The following SVEP1 variants were observed in gnomAD, a reference collection of about 807,000 sequenced individuals.
The protein encoded by SVEP1 is sushi, von Willebrand factor type A, EGF and pentraxin domain-containing protein 1.
A neutral mutation model predicts 367.3 loss-of-function variants in SVEP1; 164 were observed. That is an observed-to-expected ratio of 0.45 (90% CI 0.39 to 0.51). The LOEUF (loss-of-function observed/expected upper bound fraction) is 0.51. SVEP1 is among the 20% of genes least tolerant of loss of function. SVEP1 has a pLI of 0.00. For synonymous variants in SVEP1, 1,666 were observed against 1,611.6 expected, an observed-to-expected ratio of 1.03 and a Z score of -0.81; for missense variants, 4,117 against 4,425.3, an observed-to-expected ratio of 0.93 and a Z score of 1.98.
chr9:110,401,010 C>G lies in SVEP1; in HGVS notation c.9667-1G>C. 1 of 1,612,860 alleles carries G rather than the reference C, an allele frequency of 6.2e-7. No individual in the cohort carries two copies. Among genetic ancestry groups the G allele is most frequent in the Non-Finnish European group, 8.5e-7 (1 of 1,179,628 alleles). On this transcript the variant is annotated splice_acceptor_variant, in intron 39 of 47. Transcript: ENST00000374469. LOFTEE classifies it high-confidence loss of function. Reference sequence around the variant, plus strand: ...ATGGTGGCTCCCAGGTTCCATCAAGCTAAGTGACAAATAACAAAATGTAAG... The same window carrying G: ...ATGGTGGCTCCCAGGTTCCATCAAGGTAAGTGACAAATAACAAAATGTAAG...
Position 110,528,156 on chromosome 9 carries a change from G to GTGTATA in SVEP1, c.965-14051_965-14050insTATACA. ...CGTGTGTGTGTGTGTGTGTGTGTGT[G>GTGTATA]TATATATATATATATATATATATAT... On this transcript the variant is annotated intron_variant, in intron 3 of 47. Coordinates refer to ENST00000374469, the MANE Select transcript of SVEP1 (RefSeq NM_153366.4). 6.2e-3 allele frequency among the ~76,000 whole-genome samples: 209 copies of GTGTATA among 33,926 alleles called. 4 individuals carry two copies. The highest frequency in any genetic ancestry group is 0.018 in the East Asian group (34 of 1,910). 22.3% of individuals were successfully genotyped at this position (33,926 alleles called of 152,430 possible).
chr9:110,393,313 G>T (rs1445863788), intron 40 of SVEP1, among the ~76,000 whole-genome samples: 3 of 152,184 alleles, frequency 2.0e-5, no homozygotes, highest in Non-Finnish European at 4.4e-5. Context: ...GTCCCAGACT[G>T]CATATACCTA....
chr9:110,428,425 C>CAA (rs72069899), intron 35 of SVEP1, among the ~76,000 whole-genome samples: 51,110 of 151,168 alleles, frequency 0.34, 8,873 homozygotes, highest in African/African-American at 0.41. Flanking sequence ...CACACACACA[C>CAA]ACACCATTAA....
intron 31 of SVEP1, among the ~76,000 whole-genome samples, 188 bp downstream of exon 31, chr9:110,432,274 C>A (rs992782627): frequency 6.6e-6 from 1 of 152,036 alleles, no homozygotes; most frequent in Admixed American, 6.6e-5. Flanking sequence ...TAATATGGAG[C>A]CTGATAAAAA....
chr9:110,565,687 G>A (rs1242893942), intron 1 of SVEP1, among the ~76,000 whole-genome samples: 22 of 152,086 alleles, frequency 1.4e-4, no homozygotes, highest in Admixed American at 1.4e-3. Flanking sequence ...CCATTCAAAT[G>A]ACAATCTCCA....
chr9:110,568,812 AAGAC>A (rs1830520087), intron 1 of SVEP1, among the ~76,000 whole-genome samples: 1 of 145,792 alleles, frequency 6.9e-6, no homozygotes, highest in Admixed American at 6.9e-5. Context: ...TGAAATTAGA[AAGAC>A]AGGCCAGGAG....
chr9:110,528,156 G>GTGTGTGTGTGTGTATATA, intron 3 of SVEP1, among the ~76,000 whole-genome samples: 6 of 33,940 alleles, frequency 1.8e-4, no homozygotes, highest in Non-Finnish European at 3.4e-4. Context: ...GTGTGTGTGT[G>GTGTGTGTGTGTGTATATA]TATATATATA....
intron 3 of SVEP1, among the ~76,000 whole-genome samples, chr9:110,529,757 G>T (rs1293091985): frequency 1.3e-5 from 2 of 152,058 alleles, no homozygotes; most frequent in Non-Finnish European, 1.5e-5. Context: ...TCAAATCTAG[G>T]ATTCTTTTGG....
intron 9 of SVEP1, among the ~76,000 whole-genome samples, chr9:110,485,144 T>C (rs539437401): frequency 7.2e-5 from 11 of 152,330 alleles, no homozygotes; most frequent in South Asian, 2.1e-4. Flanking sequence ...TGTATGTTCA[T>C]TGCAGCATTA....
At chr9:110,392,343 C>T (rs1827673576) in intron 40 of SVEP1, among the ~76,000 whole-genome samples, 1 of 152,008 alleles carries the variant, frequency 6.6e-6, no homozygotes, top group Non-Finnish European at 1.5e-5. Context: ...AATTTTGCCA[C>T]TTGCTTCACT....
At position 110,417,205 on chromosome 9, in the gene SVEP1, C is replaced by T. The variant is rs553464285; in HGVS notation, c.5976-5470G>A. Among the ~76,000 whole-genome samples, 21 of 149,040 alleles carry T rather than the reference C, an allele frequency of 1.4e-4. No individual in the cohort carries two copies. In the South Asian group the frequency reaches 4.0e-3, roughly 28 times the overall value. On this transcript the variant is annotated intron_variant, in intron 36 of 47. Coordinates refer to ENST00000374469, the MANE Select transcript of SVEP1 (RefSeq NM_153366.4). ...ATTTCTGCATTTCCATCTGAGGTAC[C>T]GGGTTCATCTCACTAGGGAGTGCCA...
At chr9:110,571,949 G>A (rs761381972) in intron 1 of SVEP1, among the ~76,000 whole-genome samples, 65 of 152,180 alleles carry the variant, frequency 4.3e-4, no homozygotes, top group Non-Finnish European at 6.0e-4. Flanking sequence ...CACACCAAGT[G>A]AAATGCACCC....
intron 3 of SVEP1, among the ~76,000 whole-genome samples, chr9:110,515,919 C>T (rs12346753): frequency 0.91 from 138,771 of 151,788 alleles, 63,714 homozygotes; most frequent in African/African-American, 0.98. Flanking sequence ...ATCCCATTTG[C>T]AGATGGGAAG....
chr9:110,404,628 G>A, intron 38 of SVEP1, 76 bp from the exon 39 acceptor site: 1 of 1,338,010 alleles, frequency 7.5e-7, no homozygotes, highest in Non-Finnish European at 1.1e-6. Flanking sequence ...GATTTAGGAA[G>A]CTGTTACAAG....
Position 110,512,980 on chromosome 9 carries a change from T to C in SVEP1, c.1249A>G (p.Ile417Val). ...HPGFDLVGSS[I>V]ILCLPNGLWS... is the part of the protein sequence containing the mutation. ...AAACCATTGGGTAGACATAAGATGA[T>C]GCTGCTTCCCACAAGATCAAATCCA... is the stretch of plus-strand genomic sequence containing the variant. The change falls in exon 5 of 48, where the codon ATC becomes GTC. Residue 417 changes from isoleucine (I) to valine (V), a missense_variant. Ile to Val is a conservative substitution (Grantham distance 29). Around this residue, in one of 4 missense-constraint regions of SVEP1, gnomAD observed 2,174 missense variants for 2,494.3 expected, o/e 0.87. Coordinates refer to ENST00000374469, the MANE Select transcript of SVEP1 (RefSeq NM_153366.4). 3.7e-6 allele frequency: 6 copies of C among 1,614,038 alleles called. No individual in the cohort carries two copies. The highest frequency in any genetic ancestry group is 5.1e-6 in the Non-Finnish European group (6 of 1,179,884).
chr9:110,374,358 T>TA (rs1041315589), intron 46 of SVEP1, among the ~76,000 whole-genome samples: 15 of 151,920 alleles, frequency 9.9e-5, no homozygotes, highest in African/African-American at 3.1e-4. Flanking sequence ...TACTAAAAAG[T>TA]AAAAAAATAG....
intron 41 of SVEP1, among the ~76,000 whole-genome samples, chr9:110,387,756 A>T (rs1827548824): frequency 6.6e-6 from 1 of 152,164 alleles, no homozygotes; most frequent in African/African-American, 2.4e-5. Context: ...AAACAATCTC[A>T]TTGTAAGTTG....
chr9:110,379,029 T>C (rs1485767889), intron 44 of SVEP1, among the ~76,000 whole-genome samples: 2 of 150,536 alleles, frequency 1.3e-5, no homozygotes, highest in African/African-American at 5.0e-5. Context: ...AGCAAATATT[T>C]GTAGAATGAA....
Position 110,499,109 on chromosome 9 carries a change from A to T in SVEP1, c.1613T>A (p.Val538Asp). The change falls in exon 7 of 48, where the codon GTC (valine) becomes GAC (aspartate). Residue 538 changes from valine to aspartate, a missense_variant. Physicochemically the swap from Val to Asp is radical, Grantham distance 152. Transcript: ENST00000374469. ...SCRQGFILSG[V>D]KEMLRCTTSG... ...AGTGGTACATCTCAGCATTTCTTTG[A>T]CTCCAGATAAAATGAACCCTTGGCG... is the stretch of plus-strand genomic sequence containing the variant. 1.2e-6 allele frequency: 2 copies of T among 1,613,654 alleles called. No individual in the cohort carries two copies. Among genetic ancestry groups the T allele is most frequent in the Non-Finnish European group, 1.7e-6 (2 of 1,179,794 alleles).
Sources: allele counts gnomAD v4.1 joint callset (sites outside exome capture counted in the v4.1 genomes callset), GRCh38; gene constraint gnomAD v4.1.1; regional missense constraint gnomAD v4.1.1; transcripts MANE v1.5; gene names NCBI Gene and HGNC (gene_info 2026-07-23, HGNC 2026-07-21).